Variants in PTPRK observed in about 807,000 individuals in gnomAD.
PTPRK encodes receptor-type tyrosine-protein phosphatase kappa.
PTPRK carries 75 observed loss-of-function variants against 178.0 expected under a neutral mutation model. The ratio of observed to expected loss-of-function variants is 0.42; its 90% CI spans 0.35 to 0.51. The LOEUF (loss-of-function observed/expected upper bound fraction) is 0.51. Ranked by LOEUF, PTPRK falls within the 20% of genes least tolerant of loss-of-function variation. The probability of loss-of-function intolerance (pLI) is 0.02; values close to 1 mark genes in which losing one functional copy is unlikely to be tolerated. For synonymous variants in PTPRK, 637 were observed against 620.6 expected (o/e 1.03, Z -0.39); for missense variants, 1,441 against 1,797.8 (o/e 0.80, Z 3.59).
intron 3 of PTPRK, among the ~76,000 whole-genome samples, chr6:128,296,375 G>A (rs890168406): frequency 2.6e-5 from 4 of 152,062 alleles, no homozygotes; most frequent in Admixed American, 1.3e-4. Flanking sequence ...CACAGAGAAT[G>A]CCACAAAGAT....
At chr6:128,245,057 T>C (rs1466675536) in intron 3 of PTPRK, among the ~76,000 whole-genome samples, 1 of 152,170 alleles carries the variant, frequency 6.6e-6, no homozygotes, top group African/African-American at 2.4e-5. Flanking sequence ...TAAAGTAGAC[T>C]GTCCCAAGCT....
At chr6:128,253,709 CAGTA>C (rs1816842788) in intron 3 of PTPRK, among the ~76,000 whole-genome samples, 2 of 152,202 alleles carry the variant, frequency 1.3e-5, no homozygotes, top group Admixed American at 1.3e-4. Flanking sequence ...CAAACTAACA[CAGTA>C]AGTCTGTTCT....
intron 3 of PTPRK, among the ~76,000 whole-genome samples, chr6:128,303,456 T>C (rs1825934124): frequency 6.6e-6 from 1 of 152,190 alleles, no homozygotes; most frequent in Non-Finnish European, 1.5e-5. Context: ...GAATAAACAT[T>C]TGGAGATCAT....
chr6:128,295,730 A>G (rs539247770), intron 3 of PTPRK, among the ~76,000 whole-genome samples: 96 of 152,238 alleles, frequency 6.3e-4, no homozygotes, highest in African/African-American at 2.3e-3. Context: ...CCACATCTAC[A>G]TATTAAGGTG....
intron 5 of PTPRK, among the ~76,000 whole-genome samples, chr6:128,239,785 CAGAG>C (rs1814050019): frequency 6.6e-6 from 1 of 152,120 alleles, no homozygotes; most frequent in African/African-American, 2.4e-5. Flanking sequence ...TTGAATATAA[CAGAG>C]AGAATTGTGT....
intron 7 of PTPRK, among the ~76,000 whole-genome samples, chr6:128,182,612 C>T (rs972795330): frequency 6.6e-6 from 1 of 152,106 alleles, no homozygotes; most frequent in Non-Finnish European, 1.5e-5. Context: ...TTCCCTCTCA[C>T]ATAGATAGGG....
At chr6:128,054,742 T>C (rs1779615885) in intron 13 of PTPRK, among the ~76,000 whole-genome samples, 1 of 152,234 alleles carries the variant, frequency 6.6e-6, no homozygotes, top group African/African-American at 2.4e-5. Context: ...TACAAACTCC[T>C]TGAAGACAGA....
At chr6:128,249,243 T>C (rs866236944) in intron 3 of PTPRK, among the ~76,000 whole-genome samples, 3 of 150,806 alleles carry the variant, frequency 2.0e-5, no homozygotes, top group East Asian at 1.9e-4. Context: ...TTGGACCCAA[T>C]TGAAATTGAT....
chr6:128,191,754 A>G (rs1015158428), intron 6 of PTPRK, among the ~76,000 whole-genome samples: 10 of 152,200 alleles, frequency 6.6e-5, no homozygotes, highest in Non-Finnish European at 1.5e-4. Flanking sequence ...CAAAACAATA[A>G]TAGGTTCCTC....
At chr6:128,287,844 A>C (rs1822757574) in intron 3 of PTPRK, among the ~76,000 whole-genome samples, 1 of 151,274 alleles carries the variant, frequency 6.6e-6, no homozygotes, top group Admixed American at 6.6e-5. Flanking sequence ...CTTTCTATTT[A>C]CTCCTTTCCA....
intron 7 of PTPRK, among the ~76,000 whole-genome samples, chr6:128,161,400 G>A (rs1257450990): frequency 6.6e-6 from 1 of 151,432 alleles, no homozygotes; most frequent in Non-Finnish European, 1.5e-5. Flanking sequence ...CAATTACTTT[G>A]CTTCCTAGAT....
chr6:128,310,261 T>A (rs990022460), intron 3 of PTPRK, among the ~76,000 whole-genome samples: 1 of 152,114 alleles, frequency 6.6e-6, no homozygotes, highest in African/African-American at 2.4e-5. Flanking sequence ...TTGGCTGAGG[T>A]GAGAGGATTG....
intron 7 of PTPRK, among the ~76,000 whole-genome samples, chr6:128,169,078 G>A (rs560205461): frequency 1.3e-5 from 2 of 151,954 alleles, no homozygotes; most frequent in Non-Finnish European, 2.9e-5. Flanking sequence ...CTGGAGAATC[G>A]GTTACAGGCT....
rs191717750 is a variant in PTPRK, at chr6:128,520,437, G to A, written c.-79C>T. On this transcript the variant is annotated 5_prime_UTR_variant, in exon 1 of 30. Transcript: ENST00000368226. ...GCCGCGAAATCCACGACGGAGGAGC[G>A]GGCCGGGCCTCGCGGGGTGAGGACG... 2,104 of 1,402,064 alleles carry A rather than the reference G, an allele frequency of 1.5e-3. 12 individuals carry two copies. The highest frequency in any genetic ancestry group is 0.015 in the South Asian group (1,172 of 80,186). 86.9% of individuals were successfully genotyped at this position (1,402,064 alleles called of 1,614,324 possible).
intron 2 of PTPRK, among the ~76,000 whole-genome samples, chr6:128,372,021 C>T (rs924371508): frequency 2.6e-5 from 4 of 152,092 alleles, no homozygotes; most frequent in African/African-American, 4.8e-5. Context: ...TTAGGACCTC[C>T]GAGGCACACA....
At chr6:128,084,939 T>C (rs1785489929) in intron 8 of PTPRK, 1 of 152,166 alleles carries the variant, frequency 6.6e-6, no homozygotes, top group African/African-American at 2.4e-5. Flanking sequence ...GAAATGTAGT[T>C]TCAAAGTATA....
chr6:128,127,169 C>A (rs1793515901), intron 7 of PTPRK, among the ~76,000 whole-genome samples: 1 of 152,164 alleles, frequency 6.6e-6, no homozygotes, highest in South Asian at 2.1e-4. Context: ...TCCAATACCA[C>A]ATTATCTTGA....
intron 5 of PTPRK, among the ~76,000 whole-genome samples, chr6:128,221,343 T>C (rs1407174963): frequency 6.6e-6 from 1 of 151,186 alleles, no homozygotes; most frequent in African/African-American, 2.4e-5. Context: ...GCTAACATGG[T>C]GAAACCCCGT....
intron 2 of PTPRK, among the ~76,000 whole-genome samples, chr6:128,364,252 C>A (rs1232898086): frequency 6.6e-6 from 1 of 151,908 alleles, no homozygotes; most frequent in Non-Finnish European, 1.5e-5. Flanking sequence ...TGAGTTTCTT[C>A]AAGGCATAAT....
Sources: allele counts gnomAD v4.1 joint callset (sites outside exome capture counted in the v4.1 genomes callset), GRCh38; gene constraint gnomAD v4.1.1; transcripts MANE v1.5; gene names NCBI Gene and HGNC (gene_info 2026-07-23, HGNC 2026-07-21).